DPP6: variants seen among roughly 807,000 people sequenced by gnomAD.
DPP6 encodes the protein dipeptidyl peptidase like 6.
A neutral mutation model predicts 122.6 loss-of-function variants in DPP6; 69 were observed. The observed-to-expected ratio is 0.56, with a 90% CI of 0.46 to 0.69. The LOEUF (loss-of-function observed/expected upper bound fraction) is 0.69. Ranked by LOEUF, DPP6 falls within the 30% of genes least tolerant of loss-of-function variation. The pLI is 0.00. For synonymous variants in DPP6, 418 were observed against 433.1 expected (o/e 0.97, Z 0.43); for missense variants, 928 against 1,116.9 (o/e 0.83, Z 2.41).
intron 1 of DPP6, among the ~76,000 whole-genome samples, chr7:154,227,376 G>A (rs1162329745): frequency 2.0e-5 from 3 of 151,766 alleles, no homozygotes; most frequent in South Asian, 4.2e-4. Flanking sequence ...GATGAGAGCG[G>A]AATGGTGGTT....
chr7:154,750,814 G>A (rs181073618), intron 8 of DPP6, among the ~76,000 whole-genome samples: 2 of 152,304 alleles, frequency 1.3e-5, no homozygotes, highest in South Asian at 2.1e-4. Context: ...GTTGGGAATC[G>A]AGGCAGTGGG....
intron 1 of DPP6, among the ~76,000 whole-genome samples, chr7:154,355,116 T>C (rs1003074023): frequency 6.6e-6 from 1 of 152,272 alleles, no homozygotes; most frequent in African/African-American, 2.4e-5. Context: ...TGAGCACCTT[T>C]TTAGATGCTA....
chr7:154,066,649 G>A (rs938098649), intron 1 of DPP6, among the ~76,000 whole-genome samples: 7 of 151,404 alleles, frequency 4.6e-5, no homozygotes, highest in Non-Finnish European at 7.4e-5. Flanking sequence ...CGAAGAAAGT[G>A]AGAGTCTCAT....
intron 6 of DPP6, among the ~76,000 whole-genome samples, chr7:154,641,941 A>G (rs2130029): frequency 0.61 from 92,176 of 152,054 alleles, 28,336 homozygotes; most frequent in East Asian, 0.81. Flanking sequence ...TTCAGGCACC[A>G]AACAAAACTG....
rs144013146 is a variant in DPP6, at chr7:154,602,683, G to A, written c.628-35138G>A. On this transcript the variant is annotated intron_variant, in intron 5 of 25. Transcript: ENST00000377770. ...TGACCTCAGGTGATCTGTCTGCCTC[G>A]GCCTCCCAAAGTTTTGGGATTAGAG... Among the ~76,000 whole-genome samples, 20 of 118,498 alleles carry A rather than the reference G, an allele frequency of 1.7e-4. 6 individuals carry two copies. In the East Asian group the frequency reaches 7.3e-3, roughly 43 times the overall value. 77.7% of individuals were successfully genotyped at this position (118,498 alleles called of 152,430 possible). A position where few individuals can be genotyped will look rare whatever the true frequency, so the allele number is the denominator to read the frequency against.
chr7:153,844,999 T>A, the DPP6 span, among the ~76,000 whole-genome samples: 17 of 152,328 alleles, frequency 1.1e-4, 1 homozygote, highest in Admixed American at 9.8e-4. Context: ...GCTTTCATTT[T>A]TGAATTAAAA....
At chr7:154,375,061 A>G (rs1280644717) in intron 1 of DPP6, among the ~76,000 whole-genome samples, 1 of 152,144 alleles carries the variant, frequency 6.6e-6, no homozygotes. Flanking sequence ...CAAACCGTGA[A>G]CCCATCTCAG....
At chr7:154,020,444 G>A (rs1240289297) in intron 1 of DPP6, among the ~76,000 whole-genome samples, 1 of 151,656 alleles carries the variant, frequency 6.6e-6, no homozygotes, top group Non-Finnish European at 1.5e-5. Flanking sequence ...TGTGCAGGAA[G>A]TGTTAGAGAA....
chr7:154,661,889 C>G (rs1197130721), intron 6 of DPP6, among the ~76,000 whole-genome samples: 2 of 150,988 alleles, frequency 1.3e-5, no homozygotes, highest in African/African-American at 4.9e-5. Context: ...ATCACCATGG[C>G]ATATTGGCCG....
chr7:153,833,673 CAA>C, the DPP6 span, among the ~76,000 whole-genome samples: 2 of 139,446 alleles, frequency 1.4e-5, no homozygotes, highest in Admixed American at 7.2e-5. Context: ...GACTCTGTCT[CAA>C]AAAAAAAAAA....
chr7:154,795,756 G>A, intron 11 of DPP6, 89 bp from the exon 12 acceptor site: 2 of 1,523,952 alleles, frequency 1.3e-6, no homozygotes, highest in Admixed American at 2.1e-5. Context: ...ATTGTTTCCT[G>A]CACTGTCGGT....
chr7:154,751,735 G>A (rs1429894908), intron 8 of DPP6, among the ~76,000 whole-genome samples: 1 of 152,172 alleles, frequency 6.6e-6, no homozygotes, highest in Non-Finnish European at 1.5e-5. Flanking sequence ...GCGGGCCCAT[G>A]TGCTTCCCTA....
chr7:153,952,043 A>T lies in DPP6; in HGVS notation c.51+64309A>T, dbSNP rs1432650312. Among the ~76,000 whole-genome samples the T allele has an allele frequency of 2.0e-5, 3 of 152,300 alleles. No homozygotes were observed. In the East Asian group the frequency reaches 5.8e-4, roughly 29 times the overall value. On this transcript the variant is annotated intron_variant, in intron 1 of 25. Coordinates refer to the DPP6 transcript ENST00000404039. ...CGGTGACAGAGCTAGATTCTGTCTC[A>T]AAAAAGAAAGAAAGAAAGAAAAAAC...
At chr7:154,556,997 C>T (rs1830091285) in intron 4 of DPP6, among the ~76,000 whole-genome samples, 1 of 152,156 alleles carries the variant, frequency 6.6e-6, no homozygotes, top group East Asian at 1.9e-4. Context: ...ACAACTGCTA[C>T]AGGATCCCTT....
At chr7:154,607,889 A>G (rs1206604193) in intron 5 of DPP6, among the ~76,000 whole-genome samples, 1 of 120,222 alleles carries the variant, frequency 8.3e-6, no homozygotes. Context: ...ACTACACGGG[A>G]AGTTGGCATC....
chr7:154,508,746 A>G (rs1042393682), intron 3 of DPP6, among the ~76,000 whole-genome samples: 5 of 152,206 alleles, frequency 3.3e-5, no homozygotes, highest in African/African-American at 1.2e-4. Flanking sequence ...AAGAAAAGGC[A>G]CTAATTAGAC....
chr7:154,392,605 G>A lies in DPP6; in HGVS notation c.244-53609G>A, dbSNP rs114319452. Among the ~76,000 whole-genome samples the A allele has an allele frequency of 8.9e-3, 1,353 of 152,232 alleles. 14 individuals carry two copies. The highest frequency in any genetic ancestry group is 0.029 in the African/African-American group (1,223 of 41,532). Reference sequence around the variant, plus strand: ...AGGGTAGATGTTGGACCAATACCTCGTAGGAAGGTTTTTGAATCGGGAGTT... The same window carrying A: ...AGGGTAGATGTTGGACCAATACCTCATAGGAAGGTTTTTGAATCGGGAGTT... On this transcript the variant is annotated intron_variant, in intron 1 of 25. Transcript: ENST00000377770.
intron 1 of DPP6, among the ~76,000 whole-genome samples, chr7:154,104,142 A>G (rs532487150): frequency 6.6e-6 from 1 of 152,274 alleles, no homozygotes; most frequent in South Asian, 2.1e-4. Flanking sequence ...GTTCACTTCT[A>G]CGTGGCCTCA....
chr7:154,583,135 A>G (rs1347405735), intron 5 of DPP6, among the ~76,000 whole-genome samples: 1 of 152,154 alleles, frequency 6.6e-6, no homozygotes, highest in Non-Finnish European at 1.5e-5. Context: ...CTCGCCCTGG[A>G]ATTCACTGGT....
Sources: allele counts gnomAD v4.1 joint callset (sites outside exome capture counted in the v4.1 genomes callset), GRCh38; gene constraint gnomAD v4.1.1; transcripts MANE v1.5; gene names NCBI Gene and HGNC (gene_info 2026-07-23, HGNC 2026-07-21).